TP53BP1: variants seen among roughly 807,000 people sequenced by gnomAD.
TP53BP1 encodes TP53-binding protein 1.
A neutral mutation model predicts 200.8 loss-of-function variants in TP53BP1; 61 were observed. The observed-to-expected ratio is 0.30, with a 90% CI of 0.25 to 0.38. The LOEUF is 0.38. Ranked by LOEUF, TP53BP1 falls within the 10% of genes least tolerant of loss-of-function variation. TP53BP1 has a pLI of 1.00. For synonymous variants in TP53BP1, 822 were observed against 844.3 expected, an observed-to-expected ratio of 0.97 and a Z score of 0.46; for missense variants, 2,144 against 2,371.9, an observed-to-expected ratio of 0.90 and a Z score of 2.00.
chr15:43,465,945 A>G (rs570742452), intron 11 of TP53BP1, among the ~76,000 whole-genome samples: 2 of 152,326 alleles, frequency 1.3e-5, no homozygotes, highest in South Asian at 4.1e-4. Context: ...ATGAGCCACC[A>G]TGGCTGACCT....
At chr15:43,469,781 TG>T in intron 11 of TP53BP1, 76 bp downstream of exon 11, 1 of 1,164,340 alleles carries the variant, frequency 8.6e-7, no homozygotes, top group Non-Finnish European at 1.3e-6. Context: ...GTGAATTTTA[TG>T]GTATGTAAAT....
intron 23 of TP53BP1, 39 bp downstream of exon 23, chr15:43,415,555 A>C (rs1316695627): frequency 6.3e-7 from 1 of 1,599,424 alleles, no homozygotes; most frequent in South Asian, 1.1e-5. Flanking sequence ...GCATTCTGCC[A>C]TGGTCTGAAG....
chr15:43,464,915 A>T (rs933870004), intron 11 of TP53BP1, among the ~76,000 whole-genome samples: 4 of 151,966 alleles, frequency 2.6e-5, no homozygotes, highest in Non-Finnish European at 5.9e-5. Flanking sequence ...TCTCAAAAAG[A>T]AAAATAAATA....
At chr15:43,465,454 A>G (rs1399299956) in intron 11 of TP53BP1, among the ~76,000 whole-genome samples, 4 of 152,118 alleles carry the variant, frequency 2.6e-5, no homozygotes, top group African/African-American at 9.7e-5. Context: ...AGTTGAACTA[A>G]AAGAGACAGA....
chr15:43,440,535 A>C (rs1195549733), intron 15 of TP53BP1, among the ~76,000 whole-genome samples: 1 of 151,330 alleles, frequency 6.6e-6, no homozygotes, highest in African/African-American at 2.4e-5. Flanking sequence ...ACAAAAAAAA[A>C]ACACTCTGTC....
At chr15:43,488,515 C>T (rs755192299) in intron 4 of TP53BP1, among the ~76,000 whole-genome samples, 9 of 152,066 alleles carry the variant, frequency 5.9e-5, no homozygotes, top group African/African-American at 1.9e-4. Context: ...CACAAACCTA[C>T]GCAGGTGATA....
chr15:43,431,261 A>G (rs565215853), intron 17 of TP53BP1, among the ~76,000 whole-genome samples: 1 of 152,268 alleles, frequency 6.6e-6, no homozygotes, highest in African/African-American at 2.4e-5. Context: ...TAAAACCACC[A>G]AGAAAAAGAA....
intron 1 of TP53BP1, among the ~76,000 whole-genome samples, chr15:43,498,715 C>A (rs2079193795): frequency 6.6e-6 from 1 of 152,128 alleles, no homozygotes; most frequent in Admixed American, 6.5e-5. Context: ...AATGGGAGCA[C>A]TGTTGATATC....
chr15:43,442,887 A>G (rs1412202769), intron 14 of TP53BP1, among the ~76,000 whole-genome samples: 1 of 124,504 alleles, frequency 8.0e-6, no homozygotes, highest in East Asian at 2.4e-4. Flanking sequence ...GTGCAGTGGC[A>G]TGATCTCAGC....
At chr15:43,493,631 G>C (rs1259464691), upstream of TP53BP1, among the ~76,000 whole-genome samples, 1 of 152,152 alleles carries the variant, frequency 6.6e-6, no homozygotes, top group Non-Finnish European at 1.5e-5. Flanking sequence ...GGGTTAACCT[G>C]TGTCAATCAG....
chr15:43,425,409 G>C (rs1011058181), intron 18 of TP53BP1, among the ~76,000 whole-genome samples: 7 of 152,172 alleles, frequency 4.6e-5, no homozygotes, highest in African/African-American at 7.2e-5. Context: ...GATCACTTGA[G>C]AACAGAGTTC....
At chr15:43,470,175 T>C (rs1460127672) in intron 10 of TP53BP1, 109 bp from the exon 11 acceptor site, 11 of 921,160 alleles carry the variant, frequency 1.2e-5, no homozygotes, top group South Asian at 1.6e-5. Context: ...TCTAAAAAAA[T>C]AGTGACGTAA....
At chr15:43,424,245 C>G (rs2045474699) in intron 18 of TP53BP1, among the ~76,000 whole-genome samples, 2 of 152,318 alleles carry the variant, frequency 1.3e-5, no homozygotes, top group South Asian at 4.1e-4. Context: ...CATTTACAGA[C>G]CATTTCTATT....
At chr15:43,432,144 C>A in intron 17 of TP53BP1, 50 bp downstream of exon 17, 1 of 1,560,800 alleles carries the variant, frequency 6.4e-7, no homozygotes, top group South Asian at 1.2e-5. Flanking sequence ...CTCTGAGAAT[C>A]CTGAAAGTTA....
Position 43,510,509 on chromosome 15 carries a change from C to CAA in TP53BP1, c.-150_-149dup, listed in dbSNP as rs35271859. 753 of 133,246 alleles carry CAA rather than the reference C, an allele frequency of 5.7e-3. 8 individuals are homozygous for CAA. Among genetic ancestry groups the CAA allele is most frequent in the Non-Finnish European group, 9.2e-3 (531 of 57,930 alleles). The allele number at this position is 133,246 out of a possible 1,614,324, so 8.3% of individuals were successfully genotyped here. A position where few individuals can be genotyped will look rare whatever the true frequency, so the allele number is the denominator to read the frequency against. ...GACCCAGGCAGGCAGTGACAAAAAA[C>CAA]AAAAAAAAAAAAAAACACGCCAAAC... On this transcript the variant is annotated 5_prime_UTR_variant, in exon 1 of 28. Transcript: ENST00000263801.
Position 43,480,000 on chromosome 15 carries a change from A to T in TP53BP1, c.517T>A (p.Leu173Met). Reference sequence around the variant, plus strand: ...GAGAGTTCCAGAACCCCAAAACCCAACTGTGATGAGGCAGTATCTAGGAAC... The same window carrying T: ...GAGAGTTCCAGAACCCCAAAACCCATCTGTGATGAGGCAGTATCTAGGAAC... ...LGAEDTASSQ[L>M]GFGVLELSQS... Residue 173 changes from leucine to methionine, a missense_variant, in exon 6 of 28, where the codon TTG (leucine) becomes ATG (methionine). Physicochemically the swap from Leu to Met is conservative, Grantham distance 15 (BLOSUM62 2). Coordinates refer to ENST00000382044, the MANE Select transcript of TP53BP1 (RefSeq NM_001141980.3). The T allele has an allele frequency of 1.9e-6, 3 of 1,614,058 alleles. No individual in the cohort carries two copies. The South Asian group carries it at 3.3e-5, about 18-fold the overall frequency.
At chr15:43,432,161 A>G (rs752500041) in intron 17 of TP53BP1, 33 bp downstream of exon 17, 1 of 1,572,038 alleles carries the variant, frequency 6.4e-7, no homozygotes, top group African/African-American at 1.4e-5. Context: ...GTTAAAAACA[A>G]GGCCTCTGAT....
rs140776356 is a variant in TP53BP1 at position 43,510,240 on chromosome 15, G to C, written c.-9+130C>G. ...CCATCTCACTGTCACATCACTTGAAGATGGGAAGGTCTTTCCTAGGTTTTA... is the reference window on the plus strand; with the variant it reads ...CCATCTCACTGTCACATCACTTGAACATGGGAAGGTCTTTCCTAGGTTTTA... On this transcript the variant is annotated intron_variant, in intron 1 of 27. Transcript: ENST00000263801. 4.5e-3 allele frequency: 688 copies of C among 152,614 alleles called. 5 individuals carry two copies. Among genetic ancestry groups the C allele is most frequent in the Non-Finnish European group, 7.0e-3 (478 of 68,290 alleles). The allele number at this position is 152,614 out of a possible 1,614,324, so 9.5% of individuals were successfully genotyped here. A position where few individuals can be genotyped will look rare whatever the true frequency, so the allele number is the denominator to read the frequency against.
rs147128866 is a variant in TP53BP1, at chr15:43,457,112, T to A, written c.1496A>T (p.Glu499Val). 3 of 1,614,038 alleles carry A rather than the reference T, an allele frequency of 1.9e-6. No homozygotes were observed. In the African/African-American group the frequency reaches 4.0e-5, roughly 22 times the overall value. Residue 499 changes from glutamate to valine, a missense_variant, in exon 12 of 28, where the codon GAG becomes GTG. Around this residue, in one of 4 missense-constraint regions of TP53BP1, gnomAD observed 1,700 missense variants for 1,710.3 expected, o/e 0.99. Transcript: ENST00000382044. ...CTCAGGGGAATTCTTTGGTTCAATC[T>A]CTGAAGTTTTAGAACACTCAACTGT... ...SLTVECSKTS[E>V]IEPKNSPEDL... is the part of the protein sequence containing the mutation.
Sources: allele counts gnomAD v4.1 joint callset (sites outside exome capture counted in the v4.1 genomes callset), GRCh38; gene constraint gnomAD v4.1.1; regional missense constraint gnomAD v4.1.1; transcripts MANE v1.5; gene names NCBI Gene and HGNC (gene_info 2026-07-23, HGNC 2026-07-21).